The following RBFOX2 variants were observed in gnomAD, a reference collection of about 807,000 sequenced individuals.
RBFOX2 encodes RNA binding fox-1 homolog 2, also known as RNA binding protein fox-1 homolog 2.
RBFOX2 carries 10 observed loss-of-function variants against 49.1 expected under a neutral mutation model. The ratio of observed to expected loss-of-function variants is 0.20; its 90% CI spans 0.13 to 0.35. The LOEUF is 0.35. Ranked by LOEUF, RBFOX2 falls within the 10% of genes least tolerant of loss-of-function variation. RBFOX2 has a pLI of 1.00. For synonymous variants in RBFOX2, 183 were observed against 187.4 expected (o/e 0.98, Z 0.19); for missense variants, 323 against 486.9 (o/e 0.66, Z 3.17).
intron 1 of RBFOX2, among the ~76,000 whole-genome samples, chr22:36,018,803 A>G (rs1011517503): frequency 2.0e-5 from 3 of 152,112 alleles, no homozygotes; most frequent in Non-Finnish European, 2.9e-5. Context: ...TAGTAGAAAC[A>G]GGGTTTCATC....
At chr22:35,817,036 T>G (rs533854326) in intron 1 of RBFOX2, among the ~76,000 whole-genome samples, 57 of 152,290 alleles carry the variant, frequency 3.7e-4, no homozygotes, top group African/African-American at 1.3e-3. Context: ...TACTTACTGG[T>G]GTAGATGGTT....
At chr22:35,769,828 A>T (rs1308372462) in intron 4 of RBFOX2, among the ~76,000 whole-genome samples, 1 of 152,180 alleles carries the variant, frequency 6.6e-6, no homozygotes, top group Non-Finnish European at 1.5e-5. Context: ...AGGATCTGAT[A>T]ACTCAGCATT....
rs1000174140 is a variant in RBFOX2 at position 35,898,075 on chromosome 22, G to A, written c.-34+40772C>T. On this transcript the variant is annotated intron_variant, in intron 1 of 13. Coordinates refer to the RBFOX2 transcript ENST00000359369. ...TCGTCAGATAGAATCTTTATCTCTC[G>A]CGTCCCATTCCAGAAACAGAAGCTA... 6.4e-5 allele frequency: 47 copies of A among 732,314 alleles called. No homozygotes were observed. The East Asian group carries it at 8.5e-4, about 13-fold the overall frequency. The allele number at this position is 732,314 out of a possible 1,614,324, so 45.4% of individuals were successfully genotyped here.
intron 2 of RBFOX2, 22 bp from the exon 4 acceptor site, chr22:35,781,768 G>T (rs2147140630): frequency 6.2e-7 from 1 of 1,613,268 alleles, no homozygotes; most frequent in African/African-American, 1.3e-5. Context: ...AATAAAGAAT[G>T]AAAAATATAC....
At chr22:35,886,316 T>TA (rs539435857) in intron 1 of RBFOX2, among the ~76,000 whole-genome samples, 6 of 150,932 alleles carry the variant, frequency 4.0e-5, no homozygotes, top group Non-Finnish European at 8.9e-5. Context: ...TGAAAGATGC[T>TA]AAAAAAAAAT....
At chr22:35,978,018 G>C (rs533424775) in intron 1 of RBFOX2, among the ~76,000 whole-genome samples, 2 of 151,932 alleles carry the variant, frequency 1.3e-5, no homozygotes, top group Non-Finnish European at 2.9e-5. Context: ...CCACAAGGAA[G>C]AATGGGCCAA....
chr22:35,922,618 G>A (rs2051154401), intron 1 of RBFOX2, among the ~76,000 whole-genome samples: 3 of 151,254 alleles, frequency 2.0e-5, no homozygotes, highest in Admixed American at 2.0e-4. Flanking sequence ...TTTGGTCTAT[G>A]GGCTACTTGT....
At chr22:35,945,554 T>A (rs912614082) in intron 1 of RBFOX2, among the ~76,000 whole-genome samples, 1 of 152,040 alleles carries the variant, frequency 6.6e-6, no homozygotes, top group African/African-American at 2.4e-5. Context: ...GATCCTCCTA[T>A]CCCAGCCTCC....
chr22:35,920,721 G>T (rs1052747419), intron 1 of RBFOX2, among the ~76,000 whole-genome samples: 2 of 152,048 alleles, frequency 1.3e-5, no homozygotes, highest in African/African-American at 4.8e-5. Flanking sequence ...ACCTTACAAG[G>T]GACTACTTGG....
rs372654992 is a variant in RBFOX2 at position 35,798,770 on chromosome 22, A to G, written c.252+11010T>C. On this transcript the variant is annotated intron_variant, in intron 2 of 11. Transcript: ENST00000405409. ...GCTCTAAATTATGTTTGAAGAGTGT[A>G]TAAGGGGAAATAAATGTATTTTATT... 2.6e-5 allele frequency among the ~76,000 whole-genome samples: 4 copies of G among 152,332 alleles called. No individual in the cohort carries two copies. In the East Asian group the frequency reaches 5.8e-4, roughly 22 times the overall value.
chr22:35,761,558 G>A, intron 6 of RBFOX2, 90 bp from the exon 8 acceptor site: 4 of 1,417,134 alleles, frequency 2.8e-6, no homozygotes, highest in Non-Finnish European at 4.0e-6. Context: ...GCCATCTCTG[G>A]GGCTATTTTT....
chr22:35,873,935 A>G (rs545376427), intron 1 of RBFOX2, among the ~76,000 whole-genome samples: 54 of 152,258 alleles, frequency 3.5e-4, no homozygotes, highest in African/African-American at 1.2e-3. Context: ...CCCACCTCCC[A>G]GAGTGCTGGG....
intron 1 of RBFOX2, among the ~76,000 whole-genome samples, chr22:35,930,311 G>A (rs1189518797): frequency 6.6e-6 from 1 of 151,938 alleles, no homozygotes; most frequent in Non-Finnish European, 1.5e-5. Flanking sequence ...GTGAGCCACT[G>A]CGCTGGCCAT....
intron 1 of RBFOX2, among the ~76,000 whole-genome samples, chr22:35,972,257 T>A (rs1569515807): frequency 6.6e-6 from 1 of 152,150 alleles, no homozygotes; most frequent in Non-Finnish European, 1.5e-5. Flanking sequence ...ATGAAGCACC[T>A]CCTTTAGGGA....
intron 6 of RBFOX2, among the ~76,000 whole-genome samples, chr22:35,763,109 A>G (rs1052829246): frequency 6.6e-6 from 1 of 152,230 alleles, no homozygotes; most frequent in African/African-American, 2.4e-5. Flanking sequence ...GCTGACTGAG[A>G]ATTCATTAGG....
In RBFOX2 at chr22:35,927,131, C is replaced by T. The variant is rs528088059; in HGVS notation, c.-34+11716G>A. Among the ~76,000 whole-genome samples, 15 of 152,126 alleles carry T rather than the reference C, an allele frequency of 9.9e-5. No homozygotes were observed. In the South Asian group the frequency reaches 1.0e-3, roughly 11 times the overall value. On this transcript the variant is annotated intron_variant, in intron 1 of 13. Coordinates refer to the RBFOX2 transcript ENST00000359369. Reference sequence around the variant, plus strand: ...GAAATGTTCATACAGACATGTTAAACGATTTGAAACAATCAGAGGCAATAA... The same window carrying T: ...GAAATGTTCATACAGACATGTTAAATGATTTGAAACAATCAGAGGCAATAA...
chr22:35,840,511 C>T, exon 1 of RBFOX2: 14 of 1,279,384 alleles, frequency 1.1e-5, no homozygotes, highest in Non-Finnish European at 1.3e-5. Context: ...GAGTAGAGCC[C>T]CACCTCTTCC....
At chr22:35,953,200 G>A (rs1315794859) in intron 1 of RBFOX2, among the ~76,000 whole-genome samples, 1 of 116,928 alleles carries the variant, frequency 8.6e-6, no homozygotes, top group African/African-American at 3.4e-5. Context: ...GACAGAGTGG[G>A]ACTCCATCTC....
intron 1 of RBFOX2, among the ~76,000 whole-genome samples, chr22:36,013,958 G>T (rs889492030): frequency 1.3e-5 from 2 of 151,854 alleles, no homozygotes; most frequent in African/African-American, 4.8e-5. Flanking sequence ...CGTAAATCCT[G>T]GTTTGGAAAA....
Sources: gnomAD v4.1 joint callset for allele counts (sites outside exome capture counted in the v4.1 genomes callset) on GRCh38, gnomAD v4.1.1 for gene constraint, MANE v1.5 for transcripts, NCBI Gene and HGNC (gene_info 2026-07-23, HGNC 2026-07-21) for gene names.